Variants in MAN1A1 observed in about 807,000 individuals in gnomAD.
MAN1A1 encodes the protein mannosidase alpha class 1A member 1.
Under a neutral mutation model 70.8 loss-of-function variants are expected in MAN1A1, and 29 were observed. The observed-to-expected ratio is 0.41, with a 90% CI of 0.31 to 0.56. MAN1A1 has a LOEUF of 0.56. MAN1A1 is among the 20% of genes least tolerant of loss of function. The probability of loss-of-function intolerance (pLI) is 0.29; values close to 1 mark genes in which losing one functional copy is unlikely to be tolerated. For synonymous variants in MAN1A1, 349 were observed against 330.1 expected, an observed-to-expected ratio of 1.06 and a Z score of -0.62; for missense variants, 747 against 841.3, an observed-to-expected ratio of 0.89 and a Z score of 1.39.
At position 119,248,303 on chromosome 6, in the gene MAN1A1, G is replaced by A; in HGVS notation, c.949C>T (p.His317Tyr). 6.2e-7 allele frequency: 1 copy of A among 1,613,700 alleles called. No homozygotes were observed. The change falls in exon 6 of 13, where the codon CAT becomes TAT. Residue 317 changes from histidine (H) to tyrosine (Y), a missense_variant. Physicochemically the swap from His to Tyr is moderately conservative, Grantham distance 83 (BLOSUM62 2). Transcript: ENST00000368468. ...ELGVKLLPAF[H>Y]TPSGIPWALL... ...GCCCAAGGTATTCCAGAGGGAGTAT[G>A]AAATGCAGGTAGCAATTTTACCCCA...
intron 4 of MAN1A1, among the ~76,000 whole-genome samples, chr6:119,299,308 G>C (rs1227581746): frequency 1.3e-5 from 2 of 151,978 alleles, no homozygotes; most frequent in Non-Finnish European, 2.9e-5. Flanking sequence ...TTTGGATATT[G>C]TTGACAACAT....
chr6:119,266,233 G>A (rs1775750096), intron 5 of MAN1A1, among the ~76,000 whole-genome samples: 1 of 152,134 alleles, frequency 6.6e-6, no homozygotes, highest in African/African-American at 2.4e-5. Context: ...AAGTTATTTT[G>A]TAGACACAAA....
At chr6:119,247,007 G>C (rs371859649) in intron 6 of MAN1A1, among the ~76,000 whole-genome samples, 12 of 152,168 alleles carry the variant, frequency 7.9e-5, no homozygotes, top group African/African-American at 2.9e-4. Context: ...CACACCTATA[G>C]ATAGGTACAG....
chr6:119,239,755 C>T (rs945070466), intron 6 of MAN1A1, among the ~76,000 whole-genome samples: 3 of 152,184 alleles, frequency 2.0e-5, no homozygotes, highest in Non-Finnish European at 4.4e-5. Context: ...AAATTGATTG[C>T]TGGGTCATTA....
chr6:119,277,936 C>CAAAAAAAAAAA, intron 5 of MAN1A1, among the ~76,000 whole-genome samples: 1 of 23,176 alleles, frequency 4.3e-5, no homozygotes, highest in Non-Finnish European at 7.4e-5. Context: ...GACTCCATCT[C>CAAAAAAAAAAA]AAAAAAAAAA....
At chr6:119,315,161 T>C (rs1772815322) in intron 2 of MAN1A1, among the ~76,000 whole-genome samples, 1 of 152,202 alleles carries the variant, frequency 6.6e-6, no homozygotes, top group Admixed American at 6.5e-5. Flanking sequence ...TATATATATA[T>C]GGATGGGGAT....
At chr6:119,349,873 C>T, upstream of MAN1A1, 1 of 506,116 alleles carries the variant, frequency 2.0e-6, no homozygotes, top group Non-Finnish European at 2.5e-6. Flanking sequence ...GGGGCGGGGC[C>T]GAGGCGAGGA....
At chr6:119,195,367 AG>A (rs1773541008) in intron 8 of MAN1A1, among the ~76,000 whole-genome samples, 1 of 152,184 alleles carries the variant, frequency 6.6e-6, no homozygotes, top group African/African-American at 2.4e-5. Context: ...ATCTCATCTC[AG>A]GCAGGGCTTC....
chr6:119,193,983 A>C, intron 8 of MAN1A1, 91 bp from the exon 9 acceptor site: 2 of 689,558 alleles, frequency 2.9e-6, no homozygotes, highest in Non-Finnish European at 5.1e-6. Flanking sequence ...ATGCAACCCT[A>C]TGTCAACTGC....
chr6:119,263,272 A>T (rs985793485), intron 5 of MAN1A1, among the ~76,000 whole-genome samples: 29 of 152,206 alleles, frequency 1.9e-4, no homozygotes, highest in African/African-American at 6.7e-4. Flanking sequence ...TTAATTTAAT[A>T]CTTACAGGAT....
Position 119,189,737 on chromosome 6 carries a change from T to C in MAN1A1, c.1473A>G (p.Glu491=). The change falls in exon 10 of 13, where the codon GAA becomes GAG. Residue 491 remains glutamate, a synonymous_variant. Coordinates refer to ENST00000368468, the MANE Select transcript of MAN1A1 (RefSeq NM_005907.4). ...MFALGADAAP[E]GMAQHYLELG... Reference sequence around the variant, plus strand: ...GTTCAAGGTAGTGTTGGGCCATGCCTTCGGGAGCTGCATCAGCCCCGAGTG... The same window carrying C: ...GTTCAAGGTAGTGTTGGGCCATGCCCTCGGGAGCTGCATCAGCCCCGAGTG... 6.2e-7 allele frequency: 1 copy of C among 1,614,112 alleles called. No homozygotes were observed. Among genetic ancestry groups the C allele is most frequent in the Non-Finnish European group, 8.5e-7 (1 of 1,180,030 alleles).
In MAN1A1 at chr6:119,178,302, C is replaced by G. The variant is rs746901325; in HGVS notation, c.*1517G>C. The G allele has an allele frequency of 6.6e-6, 1 of 152,052 alleles. No homozygotes were observed. The highest frequency in any genetic ancestry group is 1.5e-5 in the Non-Finnish European group (1 of 67,954). 9.4% of individuals were successfully genotyped at this position (152,052 alleles called of 1,614,324 possible). A position where few individuals can be genotyped will look rare whatever the true frequency, so the allele number is the denominator to read the frequency against. ...TAATATTAGGTGGAACCATATGAAA[C>G]TGCTGACAGTTTTTAAACTACAAAT... On this transcript the variant is annotated 3_prime_UTR_variant, in exon 13 of 13. Coordinates refer to ENST00000368468, the MANE Select transcript of MAN1A1 (RefSeq NM_005907.4).
At chr6:119,260,976 G>GTTTTT (rs61169300) in intron 5 of MAN1A1, among the ~76,000 whole-genome samples, 1 of 116,942 alleles carries the variant, frequency 8.6e-6, no homozygotes. Context: ...TTTTTTTATT[G>GTTTTT]TTTTTTTTTT....
intron 5 of MAN1A1, among the ~76,000 whole-genome samples, chr6:119,255,723 C>T (rs935511785): frequency 6.6e-6 from 1 of 152,190 alleles, no homozygotes; most frequent in South Asian, 2.1e-4. Context: ...CAAGTGAATA[C>T]CAGCTTCCTG....
chr6:119,239,646 C>G (rs896256977), intron 6 of MAN1A1, among the ~76,000 whole-genome samples: 2 of 152,162 alleles, frequency 1.3e-5, no homozygotes, highest in African/African-American at 2.4e-5. Flanking sequence ...TGTATTCAAA[C>G]TATTTCATAA....
intron 5 of MAN1A1, among the ~76,000 whole-genome samples, chr6:119,250,139 G>T (rs1167576958): frequency 6.6e-6 from 1 of 152,170 alleles, no homozygotes; most frequent in Non-Finnish European, 1.5e-5. Context: ...TTACCCCAGA[G>T]AAATTTCATG....
chr6:119,316,337 T>C (rs1772854765), intron 2 of MAN1A1, among the ~76,000 whole-genome samples: 1 of 152,074 alleles, frequency 6.6e-6, no homozygotes, highest in Admixed American at 6.6e-5. Context: ...GGCTAATTTT[T>C]GTATTTTTAG....
At chr6:119,268,313 C>A (rs1170986757) in intron 5 of MAN1A1, among the ~76,000 whole-genome samples, 1 of 152,140 alleles carries the variant, frequency 6.6e-6, no homozygotes, top group African/African-American at 2.4e-5. Context: ...TTATTTGATT[C>A]GGACCACAAA....
intron 7 of MAN1A1, among the ~76,000 whole-genome samples, chr6:119,203,490 C>A (rs1351767654): frequency 6.6e-6 from 1 of 151,872 alleles, no homozygotes; most frequent in African/African-American, 2.4e-5. Context: ...CCCCACAGGC[C>A]ACAATAAGGG....
Sources: gnomAD v4.1 joint callset for allele counts (sites outside exome capture counted in the v4.1 genomes callset) on GRCh38, gnomAD v4.1.1 for gene constraint, MANE v1.5 for transcripts, NCBI Gene and HGNC (gene_info 2026-07-23, HGNC 2026-07-21) for gene names.